Variants in GNA14 observed in about 807,000 individuals in gnomAD.
GNA14 encodes G protein subunit alpha 14.
In GNA14, 50 loss-of-function variants were observed where a neutral mutation model predicts 42.0. That is an observed-to-expected ratio of 1.19 (90% CI 0.95 to 1.51). The LOEUF (loss-of-function observed/expected upper bound fraction) is 1.51, where lower values mean the gene tolerates loss of function less well. GNA14 is among the 40% of genes most tolerant of loss of function. GNA14 has a pLI of 0.00. For missense variants in GNA14, 473 were observed against 446.2 expected (o/e 1.06, Z -0.54); for synonymous variants, 173 against 163.1 (o/e 1.06, Z -0.46).
Position 77,501,943 on chromosome 9 carries a change from G to A in GNA14, c.309+27126C>T, listed in dbSNP as rs144472619. On this transcript the variant is annotated intron_variant, in intron 2 of 6. Transcript: ENST00000341700. ...CCAGGATGGTCGATCTCTTGACTTC[G>A]TGATCCACCTGCCTCAGCCTCCCAA... Among the ~76,000 whole-genome samples, 1,489 of 152,038 alleles carry A rather than the reference G, an allele frequency of 9.8e-3. 18 individuals are homozygous for A. Among genetic ancestry groups the A allele is most frequent in the African/African-American group, 0.033 (1,358 of 41,488 alleles).
At chr9:77,600,250 G>A (rs1823535861) in intron 1 of GNA14, among the ~76,000 whole-genome samples, 2 of 152,148 alleles carry the variant, frequency 1.3e-5, no homozygotes, top group South Asian at 2.1e-4. Context: ...CTTTTCTTCC[G>A]TGCAATTCGC....
At chr9:77,493,537 G>C (rs1836822290) in intron 2 of GNA14, among the ~76,000 whole-genome samples, 1 of 152,082 alleles carries the variant, frequency 6.6e-6, no homozygotes, top group East Asian at 1.9e-4. Flanking sequence ...TTATGAACAG[G>C]ACTGTGGATC....
intron 2 of GNA14, among the ~76,000 whole-genome samples, chr9:77,520,128 G>T (rs1238509178): frequency 1.3e-5 from 2 of 152,124 alleles, no homozygotes; most frequent in African/African-American, 4.8e-5. Flanking sequence ...ATACAGAGGG[G>T]ATGCTTTCTA....
chr9:77,489,221 C>G (rs1201116562), intron 2 of GNA14, among the ~76,000 whole-genome samples: 2 of 151,462 alleles, frequency 1.3e-5, no homozygotes, highest in Non-Finnish European at 2.9e-5. Context: ...TGAAAATACA[C>G]AGTTAGAGGG....
chr9:77,483,188 T>C (rs931090773), intron 2 of GNA14, among the ~76,000 whole-genome samples: 6 of 152,206 alleles, frequency 3.9e-5, no homozygotes, highest in Admixed American at 6.5e-5. Flanking sequence ...TGTGGTTTTA[T>C]CTACTTTTGG....
Position 77,469,572 on chromosome 9 carries a change from C to T in GNA14, c.310-35050G>A, listed in dbSNP as rs147078502. Among the ~76,000 whole-genome samples the T allele has an allele frequency of 5.8e-3, 872 of 150,242 alleles. 5 individuals carry two copies. Among genetic ancestry groups the T allele is most frequent in the Non-Finnish European group, 8.8e-3 (594 of 67,786 alleles). On this transcript the variant is annotated intron_variant, in intron 2 of 6. Transcript: ENST00000341700. ...AGTCTGGTTAAAGATTATGATTAAT[C>T]AGTCAGTTGGGTGGACAACCCTAAC... is the stretch of plus-strand genomic sequence containing the variant.
At chr9:77,577,194 G>T (rs537344892) in intron 1 of GNA14, among the ~76,000 whole-genome samples, 1 of 152,260 alleles carries the variant, frequency 6.6e-6, no homozygotes. Flanking sequence ...AATTACTCAA[G>T]AATTCATTTT....
In GNA14 at chr9:77,603,956, CAAAAA is replaced by C. The variant is rs67044542; in HGVS notation, c.124+43709_124+43713del. ...AAGACTCCATCTCAAAAAAAAAAAA[CAAAAA>C]AAAAAAAAAAAAAAAAAAAACACCT... On this transcript the variant is annotated intron_variant, in intron 1 of 6. Coordinates refer to ENST00000341700, the MANE Select transcript of GNA14 (RefSeq NM_004297.4). 4.2e-3 allele frequency among the ~76,000 whole-genome samples: 343 copies of C among 81,486 alleles called. 2 individuals are homozygous for C. The highest frequency in any genetic ancestry group is 8.7e-3 in the East Asian group (22 of 2,542). 53.5% of individuals were successfully genotyped at this position (81,486 alleles called of 152,430 possible). A position where few individuals can be genotyped will look rare whatever the true frequency, so the allele number is the denominator to read the frequency against.
intron 1 of GNA14, among the ~76,000 whole-genome samples, chr9:77,609,218 A>G (rs1823691034): frequency 6.6e-6 from 1 of 152,150 alleles, no homozygotes; most frequent in Non-Finnish European, 1.5e-5. Context: ...CACAAACACA[A>G]TGCAATCTAG....
intron 2 of GNA14, among the ~76,000 whole-genome samples, chr9:77,522,082 C>T (rs1225563049): frequency 6.6e-6 from 1 of 152,218 alleles, no homozygotes; most frequent in Non-Finnish European, 1.5e-5. Flanking sequence ...GGCGATCTTC[C>T]TGCCTCGGCC....
intron 2 of GNA14, among the ~76,000 whole-genome samples, chr9:77,505,660 A>T (rs1837057518): frequency 6.6e-6 from 1 of 152,222 alleles, no homozygotes; most frequent in African/African-American, 2.4e-5. Context: ...GAAATTTCAG[A>T]AATTTTCCGA....
intron 2 of GNA14, among the ~76,000 whole-genome samples, chr9:77,522,609 TAA>T (rs1347275251): frequency 2.0e-5 from 3 of 152,192 alleles, no homozygotes; most frequent in Admixed American, 2.0e-4. Flanking sequence ...CAAATTATGT[TAA>T]GACACATATT....
chr9:77,627,735 A>G (rs1824033436), intron 1 of GNA14, among the ~76,000 whole-genome samples: 1 of 152,192 alleles, frequency 6.6e-6, no homozygotes. Flanking sequence ...TATTGATGGA[A>G]CGTATCTCAA....
intron 1 of GNA14, among the ~76,000 whole-genome samples, chr9:77,584,523 CA>C (rs1823271782): frequency 6.6e-6 from 1 of 150,960 alleles, no homozygotes; most frequent in African/African-American, 2.4e-5. Context: ...CACCCCCCAC[CA>C]CCCCAACCAA....
chr9:77,511,583 C>T (rs914912959), intron 2 of GNA14, among the ~76,000 whole-genome samples: 1 of 152,166 alleles, frequency 6.6e-6, no homozygotes, highest in Non-Finnish European at 1.5e-5. Context: ...GGAGTCTGAA[C>T]AGCTTGCAGG....
intron 1 of GNA14, among the ~76,000 whole-genome samples, chr9:77,551,516 C>CG (rs1193351235): frequency 1.3e-5 from 2 of 151,548 alleles, no homozygotes; most frequent in Non-Finnish European, 2.9e-5. Flanking sequence ...CTCACCCACC[C>CG]CCCCTTCAAG....
chr9:77,633,513 G>A (rs1230121950), intron 1 of GNA14, among the ~76,000 whole-genome samples: 1 of 152,144 alleles, frequency 6.6e-6, no homozygotes, highest in Non-Finnish European at 1.5e-5. Context: ...ACATAGAAAT[G>A]TTCTAAGCAG....
chr9:77,453,676 G>C (rs1283549787), intron 2 of GNA14, among the ~76,000 whole-genome samples: 1 of 152,186 alleles, frequency 6.6e-6, no homozygotes, highest in Non-Finnish European at 1.5e-5. Flanking sequence ...GCTACAACAG[G>C]ATTCCTTCAA....
chr9:77,551,514 C>T (rs1243754140), intron 1 of GNA14, among the ~76,000 whole-genome samples: 1 of 51,872 alleles, frequency 1.9e-5, no homozygotes, highest in Admixed American at 3.2e-4. Flanking sequence ...CACTCACCCA[C>T]CCCCCCTTCA....
Sources: allele counts gnomAD v4.1 joint callset (sites outside exome capture counted in the v4.1 genomes callset), GRCh38; gene constraint gnomAD v4.1.1; transcripts MANE v1.5; gene names NCBI Gene and HGNC (gene_info 2026-07-23, HGNC 2026-07-21).